Variants in CDC42BPA observed in about 807,000 individuals in gnomAD.
The protein encoded by CDC42BPA is serine/threonine-protein kinase MRCK alpha.
CDC42BPA carries 80 observed loss-of-function variants against 223.5 expected under a neutral mutation model. The observed-to-expected ratio is 0.36, with a 90% confidence interval of 0.30 to 0.43. The LOEUF is 0.43. Ranked by LOEUF, CDC42BPA falls within the 20% of genes least tolerant of loss-of-function variation. The probability of loss-of-function intolerance (pLI) is 1.00; values close to 1 mark genes in which losing one functional copy is unlikely to be tolerated. For missense variants in CDC42BPA, 1,743 were observed against 2,099.9 expected, an observed-to-expected ratio of 0.83 and a Z score of 3.32; for synonymous variants, 694 against 718.6, an observed-to-expected ratio of 0.97 and a Z score of 0.55.
intron 23 of CDC42BPA, among the ~76,000 whole-genome samples, chr1:227,045,443 C>G (rs924475480): frequency 1.4e-4 from 22 of 152,240 alleles, no homozygotes; most frequent in Admixed American, 6.5e-4. Context: ...TGACTGGGGA[C>G]AGGTATTTGT....
At position 227,117,735 on chromosome 1, in the gene CDC42BPA, A is replaced by ATT. The variant is rs150784382; in HGVS notation, c.1647+2067_1647+2068dup. ...TTAGGAGAATTTTTTAAAATCTCAG[A>ATT]TTTTTTATACAAGACAGCAAATACA... On this transcript the variant is annotated intron_variant, in intron 12 of 36. Coordinates refer to ENST00000366766, the MANE Select transcript of CDC42BPA (RefSeq NM_001394014.1). Among the ~76,000 whole-genome samples, 195 of 152,154 alleles carry ATT rather than the reference A, an allele frequency of 1.3e-3. 1 individual carries two copies. The highest frequency in any genetic ancestry group is 4.5e-3 in the African/African-American group (187 of 41,466).
chr1:227,245,555 T>C (rs12128174), intron 2 of CDC42BPA, among the ~76,000 whole-genome samples: 17,548 of 152,162 alleles, frequency 0.12, 1,223 homozygotes, highest in South Asian at 0.19. Flanking sequence ...CCTCCCAAAG[T>C]GCTGAGATTA....
At chr1:227,025,680 G>A (rs1335293045) in intron 31 of CDC42BPA, among the ~76,000 whole-genome samples, 2 of 152,016 alleles carry the variant, frequency 1.3e-5, no homozygotes, top group African/African-American at 2.4e-5. Context: ...TTTTAAATCT[G>A]TCCTCACAGG....
In CDC42BPA at chr1:227,201,773, G is replaced by GTT. The variant is rs11304692; in HGVS notation, c.355-2123_355-2122dup. ...CAAATGAGATTATAGTGCTCTGTAA[G>GTT]TTTTTTTTTTTTTTCAAGTAACAAT... On this transcript the variant is annotated intron_variant, in intron 3 of 36. Coordinates refer to ENST00000366766, the MANE Select transcript of CDC42BPA (RefSeq NM_001394014.1). Among the ~76,000 whole-genome samples, 135 of 146,522 alleles carry GTT rather than the reference G, an allele frequency of 9.2e-4. 1 individual carries two copies. The highest frequency in any genetic ancestry group is 8.1e-4 in the Admixed American group (12 of 14,774).
At chr1:227,140,015 C>A (rs547628756) in intron 9 of CDC42BPA, among the ~76,000 whole-genome samples, 5 of 151,948 alleles carry the variant, frequency 3.3e-5, no homozygotes, top group African/African-American at 1.2e-4. Flanking sequence ...TTTAAAAACC[C>A]CACAAATTAT....
chr1:227,137,874 A>C (rs888765934), intron 10 of CDC42BPA, among the ~76,000 whole-genome samples: 1 of 152,124 alleles, frequency 6.6e-6, no homozygotes, highest in Non-Finnish European at 1.5e-5. Context: ...CAAACTGGGA[A>C]GGGACATGTG....
At chr1:227,301,057 T>A (rs1691536236) in intron 1 of CDC42BPA, among the ~76,000 whole-genome samples, 1 of 152,154 alleles carries the variant, frequency 6.6e-6, no homozygotes, top group African/African-American at 2.4e-5. Flanking sequence ...GCTCTGTTAG[T>A]GTTCTTTTGC....
chr1:227,299,435 T>A (rs2148718031), intron 1 of CDC42BPA, among the ~76,000 whole-genome samples: 1 of 152,254 alleles, frequency 6.6e-6, no homozygotes, highest in East Asian at 1.9e-4. Flanking sequence ...CTTCTTTTTT[T>A]AAATGGAATG....
intron 1 of CDC42BPA, among the ~76,000 whole-genome samples, chr1:227,286,804 T>G (rs1688882026): frequency 6.6e-6 from 1 of 152,202 alleles, no homozygotes; most frequent in Non-Finnish European, 1.5e-5. Flanking sequence ...GGTGAGGGCT[T>G]CAAGAAGCTT....
At chr1:227,256,989 A>ACACACC (rs781287283) in intron 1 of CDC42BPA, among the ~76,000 whole-genome samples, 17 of 146,722 alleles carry the variant, frequency 1.2e-4, no homozygotes, top group African/African-American at 4.0e-4. Flanking sequence ...ACACACACAC[A>ACACACC]CCAGTATGTT....
At chr1:227,172,352 T>G (rs1331998583) in intron 5 of CDC42BPA, among the ~76,000 whole-genome samples, 1 of 152,156 alleles carries the variant, frequency 6.6e-6, no homozygotes, top group African/African-American at 2.4e-5. Context: ...AACTAATGAT[T>G]CTATAATTCC....
chr1:227,094,370 C>A (rs1488277008), intron 15 of CDC42BPA, among the ~76,000 whole-genome samples: 3 of 152,166 alleles, frequency 2.0e-5, no homozygotes, highest in Admixed American at 1.3e-4. Flanking sequence ...ACACTGGAGA[C>A]CATGACTCAC....
chr1:227,231,100 A>T (rs992568739), intron 2 of CDC42BPA, among the ~76,000 whole-genome samples: 2 of 150,806 alleles, frequency 1.3e-5, no homozygotes, highest in Admixed American at 1.3e-4. Context: ...CTCGTCATTT[A>T]CATTAGGTAT....
chr1:227,278,938 A>G (rs977372333), intron 1 of CDC42BPA, among the ~76,000 whole-genome samples: 3 of 152,010 alleles, frequency 2.0e-5, no homozygotes, highest in Non-Finnish European at 2.9e-5. Context: ...CAGAAGTTAC[A>G]TTCTTTTCTT....
chr1:227,002,947 A>G (rs971138990), intron 35 of CDC42BPA, among the ~76,000 whole-genome samples: 1 of 152,106 alleles, frequency 6.6e-6, no homozygotes, highest in Non-Finnish European at 1.5e-5. Context: ...GAGATAATAA[A>G]TGTTTGCTAT....
At chr1:227,298,532 T>C (rs1392142075) in intron 1 of CDC42BPA, among the ~76,000 whole-genome samples, 1 of 152,174 alleles carries the variant, frequency 6.6e-6, no homozygotes, top group African/African-American at 2.4e-5. Context: ...CCCTAAACCT[T>C]GCCCTACGCA....
chr1:227,130,425 T>C (rs1323628126), intron 10 of CDC42BPA, among the ~76,000 whole-genome samples: 1 of 152,242 alleles, frequency 6.6e-6, no homozygotes, highest in Admixed American at 6.5e-5. Flanking sequence ...TTCTTATACA[T>C]TTCTTTCTCT....
chr1:227,256,934 GATATATAT>G (rs139902680), intron 1 of CDC42BPA, among the ~76,000 whole-genome samples: 7 of 98,476 alleles, frequency 7.1e-5, no homozygotes, highest in African/African-American at 2.2e-4. Flanking sequence ...AACAAAATGT[GATATATAT>G]ATACAGACAC....
At chr1:227,082,449 T>C (rs958189260) in intron 16 of CDC42BPA, among the ~76,000 whole-genome samples, 8 of 151,966 alleles carry the variant, frequency 5.3e-5, no homozygotes, top group African/African-American at 1.9e-4. Context: ...GCACGGTGGC[T>C]CACACCTGTA....
Sources: gnomAD v4.1 joint callset for allele counts (sites outside exome capture counted in the v4.1 genomes callset) on GRCh38, gnomAD v4.1.1 for gene constraint, MANE v1.5 for transcripts, NCBI Gene and HGNC (gene_info 2026-07-23, HGNC 2026-07-21) for gene names.